The following VPS35L variants were observed in gnomAD, a reference collection of about 807,000 sequenced individuals.
The protein encoded by VPS35L is VPS35 endosomal protein sorting factor like.
In VPS35L, 83 loss-of-function variants were observed where a neutral mutation model predicts 133.0. The ratio of observed to expected loss-of-function variants is 0.62; its 90% CI spans 0.52 to 0.75. The LOEUF is 0.75. VPS35L is among the 30% of genes least tolerant of loss of function. VPS35L has a pLI of 0.00. For synonymous variants in VPS35L, 423 were observed against 449.9 expected, an observed-to-expected ratio of 0.94 and a Z score of 0.76; for missense variants, 1,083 against 1,206.8, an observed-to-expected ratio of 0.90 and a Z score of 1.52.
chr16:19,608,875 C>T, intron 10 of VPS35L, 99 bp from the exon 11 acceptor site: 3 of 1,061,408 alleles, frequency 2.8e-6, no homozygotes, highest in African/African-American at 1.6e-5. Context: ...GTCCCCATCT[C>T]CTAAGACCCG....
Position 19,699,208 on chromosome 16 carries a change from C to T in VPS35L, c.2647-294C>T, listed in dbSNP as rs1976021526. Among the ~76,000 whole-genome samples the T allele has an allele frequency of 6.6e-6, 1 of 152,228 alleles. No individual in the cohort carries two copies. Among genetic ancestry groups the T allele is most frequent in the Non-Finnish European group, 1.5e-5 (1 of 68,036 alleles). On this transcript the variant is annotated intron_variant, in intron 29 of 30. Transcript: ENST00000417362. This position sits in a 1 kb window ranked among gnomAD's most constrained non-coding sequence, Gnocchi z 4.2. ...CCCTGCTGGGGTACCCTTCATTCCT[C>T]GACCTCACTGACTGGTGAGTTTCTT... is the stretch of plus-strand genomic sequence containing the variant.
At chr16:19,624,001 G>A (rs1032782147) in intron 14 of VPS35L, among the ~76,000 whole-genome samples, 1 of 148,820 alleles carries the variant, frequency 6.7e-6, no homozygotes, top group African/African-American at 2.5e-5. Flanking sequence ...ATGAGGTTTC[G>A]CCATGTTGCC....
intron 26 of VPS35L, among the ~76,000 whole-genome samples, chr16:19,658,700 A>G (rs1196803437): frequency 6.6e-6 from 1 of 150,992 alleles, no homozygotes; most frequent in Non-Finnish European, 1.5e-5. Context: ...AAAAAAAAAG[A>G]GGTGGCATTG....
chr16:19,595,122 G>A (rs1972169555), intron 8 of VPS35L, among the ~76,000 whole-genome samples: 1 of 152,180 alleles, frequency 6.6e-6, no homozygotes, highest in African/African-American at 2.4e-5. Context: ...TGGCCTTGGG[G>A]GCCACTGGGA....
chr16:19,640,531 C>T (rs1308575132), intron 21 of VPS35L, among the ~76,000 whole-genome samples: 2 of 152,124 alleles, frequency 1.3e-5, no homozygotes, highest in African/African-American at 4.8e-5. Flanking sequence ...TACATACTTA[C>T]GAAGAAGGCA....
At chr16:19,664,281 C>T (rs1974588984) in intron 26 of VPS35L, among the ~76,000 whole-genome samples, 3 of 151,946 alleles carry the variant, frequency 2.0e-5, no homozygotes, top group Non-Finnish European at 2.9e-5. Context: ...ACTATGAATA[C>T]GGGGACGGTG....
At chr16:19,651,828 G>T in intron 25 of VPS35L, 148 bp from the exon 26 acceptor site, 1 of 658,386 alleles carries the variant, frequency 1.5e-6, no homozygotes. Flanking sequence ...CATCAGAGCA[G>T]AGTTGTACAA....
At chr16:19,587,475 C>CA in intron 7 of VPS35L, 1 of 345,942 alleles carries the variant, frequency 2.9e-6, no homozygotes, top group South Asian at 2.1e-5. Context: ...ACTAAAAATA[C>CA]AGAATTAGCT....
intron 3 of VPS35L, among the ~76,000 whole-genome samples, chr16:19,569,880 G>T (rs1971308177): frequency 6.6e-6 from 1 of 151,966 alleles, no homozygotes; most frequent in East Asian, 1.9e-4. Flanking sequence ...TGTTGCCCAG[G>T]GTGGTCTTGT....
intron 7 of VPS35L, among the ~76,000 whole-genome samples, chr16:19,585,079 C>T (rs170537): frequency 0.065 from 9,876 of 152,168 alleles, 734 homozygotes; most frequent in African/African-American, 0.18. Context: ...GTGGGTAGTT[C>T]GTTCCTTTTT....
At chr16:19,603,198 G>T (rs1389529066) in intron 9 of VPS35L, among the ~76,000 whole-genome samples, 2 of 152,156 alleles carry the variant, frequency 1.3e-5, no homozygotes, top group Non-Finnish European at 2.9e-5. Context: ...TGTTTCATCA[G>T]AGATGGGCAG....
Position 19,573,223 on chromosome 16 carries a change from T to C in VPS35L, c.390T>C (p.Thr130=). The part of the protein sequence containing the change: ...KRGEILARYT[T]TEKLSINLFM... The stretch of plus-strand genomic sequence containing the variant: ...GAGAAATCCTTGCCCGGTACACCAC[T>C]ACCGAAAAGCTGTCTATTGTGAGTA... The change falls in exon 4 of 31, where the codon ACT becomes ACC. Residue 130 remains threonine, a synonymous_variant. Transcript: ENST00000417362. 1 of 1,613,844 alleles carries C rather than the reference T, an allele frequency of 6.2e-7. No homozygotes were observed. The highest frequency in any genetic ancestry group is 8.5e-7 in the Non-Finnish European group (1 of 1,179,804).
At chr16:19,619,771 G>C (rs1320057680) in intron 14 of VPS35L, among the ~76,000 whole-genome samples, 1 of 152,116 alleles carries the variant, frequency 6.6e-6, no homozygotes. Context: ...ACACTTAAAG[G>C]ACATGCAGTG....
At chr16:19,670,511 C>CA (rs772344376) in intron 27 of VPS35L, among the ~76,000 whole-genome samples, 2 of 152,320 alleles carry the variant, frequency 1.3e-5, no homozygotes, top group Non-Finnish European at 2.9e-5. Context: ...AGTGAGTACT[C>CA]ACAATGTCAG....
intron 19 of VPS35L, 99 bp from the exon 20 acceptor site, chr16:19,637,495 T>TA (rs56391256): frequency 2.3e-4 from 194 of 855,036 alleles, no homozygotes; most frequent in Middle Eastern, 3.6e-4. Flanking sequence ...ATTGCCTTTT[T>TA]AAAAAAAAAT....
intron 26 of VPS35L, chr16:19,652,603 T>G (rs13330396): frequency 0.2 from 31,588 of 155,738 alleles, 5,975 homozygotes; most frequent in African/African-American, 0.5. Context: ...AGACAGATCA[T>G]AGAGCACAGA....
intron 1 of VPS35L, among the ~76,000 whole-genome samples, chr16:19,561,449 C>T (rs550804567): frequency 6.6e-6 from 1 of 152,230 alleles, no homozygotes; most frequent in East Asian, 1.9e-4. Context: ...CACTTGAAGC[C>T]GAGTTCATTT....
At chr16:19,632,635 A>C (rs1231990541) in intron 18 of VPS35L, among the ~76,000 whole-genome samples, 1 of 152,226 alleles carries the variant, frequency 6.6e-6, no homozygotes, top group Non-Finnish European at 1.5e-5. Flanking sequence ...CCTTATAAAA[A>C]CAGGCCCTGG....
chr16:19,567,393 T>C (rs1004970195), intron 2 of VPS35L, among the ~76,000 whole-genome samples: 2 of 152,138 alleles, frequency 1.3e-5, no homozygotes, highest in Non-Finnish European at 1.5e-5. Flanking sequence ...AGTTGATAGA[T>C]TGGGGTAGGT....
Sources: allele counts gnomAD v4.1 joint callset (sites outside exome capture counted in the v4.1 genomes callset), GRCh38; gene constraint gnomAD v4.1.1; non-coding constraint Gnocchi (gnomAD v3.1); transcripts MANE v1.5; gene names NCBI Gene and HGNC (gene_info 2026-07-23, HGNC 2026-07-21).